Variants in SLC4A10 observed in about 807,000 individuals in gnomAD.
SLC4A10 encodes sodium-driven chloride bicarbonate exchanger.
A neutral mutation model predicts 137.7 loss-of-function variants in SLC4A10; 42 were observed. The ratio of observed to expected loss-of-function variants is 0.30; its 90% CI spans 0.24 to 0.39. The LOEUF (loss-of-function observed/expected upper bound fraction) is 0.39, where lower values mean the gene tolerates loss of function less well. Among genes scored for constraint, SLC4A10 ranks in the 10% least tolerant of loss-of-function variants. The pLI, the probability that SLC4A10 is intolerant of heterozygous loss-of-function variation, is 1.00. For synonymous variants in SLC4A10, 474 were observed against 464.1 expected (o/e 1.02, Z -0.27); for missense variants, 925 against 1,355.0 (o/e 0.68, Z 4.98).
chr2:161,628,270 C>T (rs1023965474), intron 1 of SLC4A10, among the ~76,000 whole-genome samples: 4 of 152,038 alleles, frequency 2.6e-5, no homozygotes, highest in African/African-American at 9.7e-5. Context: ...GGGTGATCTA[C>T]AGTGAGTCTA....
rs553652549 is a variant in SLC4A10 at position 161,860,816 on chromosome 2, A to G, written c.578-2058A>G. Among the ~76,000 whole-genome samples, 296 of 152,340 alleles carry G rather than the reference A, an allele frequency of 1.9e-3. 1 individual carries two copies. Among genetic ancestry groups the G allele is most frequent in the African/African-American group, 6.5e-3 (271 of 41,572 alleles). On this transcript the variant is annotated intron_variant, in intron 5 of 26. Coordinates refer to ENST00000446997, the MANE Select transcript of SLC4A10 (RefSeq NM_001178015.2). ...TCTTTCCATTGTAAACACAAAAATG[A>G]TAGAGCACACTATATCCCACGTGCC...
intron 1 of SLC4A10, among the ~76,000 whole-genome samples, chr2:161,657,851 G>C (rs139847993): frequency 6.4e-4 from 97 of 152,130 alleles, no homozygotes; most frequent in Non-Finnish European, 1.0e-3. Flanking sequence ...ATGATGAGAA[G>C]TTCTAACTTA....
At chr2:161,807,759 G>A (rs780714743) in intron 3 of SLC4A10, among the ~76,000 whole-genome samples, 5 of 151,970 alleles carry the variant, frequency 3.3e-5, no homozygotes, top group South Asian at 2.1e-4. Context: ...ATTTTTAATA[G>A]GAAGCAGCAT....
At chr2:161,793,232 C>T (rs1455280512) in intron 2 of SLC4A10, among the ~76,000 whole-genome samples, 1 of 152,040 alleles carries the variant, frequency 6.6e-6, no homozygotes, top group Non-Finnish European at 1.5e-5. Flanking sequence ...TATCTATGCA[C>T]TGTAGAATAA....
At chr2:161,657,438 T>C (rs2037700123) in intron 1 of SLC4A10, among the ~76,000 whole-genome samples, 1 of 152,060 alleles carries the variant, frequency 6.6e-6, no homozygotes, top group Non-Finnish European at 1.5e-5. Context: ...ATTTCTAGAT[T>C]TAAGCTATTA....
chr2:161,843,470 G>T (rs966233852), intron 4 of SLC4A10, among the ~76,000 whole-genome samples: 1 of 152,168 alleles, frequency 6.6e-6, no homozygotes, highest in Non-Finnish European at 1.5e-5. Flanking sequence ...TGCTATAGCT[G>T]TTTGAGCTTC....
At chr2:161,795,487 A>G (rs2054665926) in intron 2 of SLC4A10, among the ~76,000 whole-genome samples, 2 of 152,252 alleles carry the variant, frequency 1.3e-5, no homozygotes, top group Admixed American at 1.3e-4. Flanking sequence ...CTAGCATCAA[A>G]GCCACAGATA....
At chr2:161,757,913 T>G (rs887503494) in intron 1 of SLC4A10, among the ~76,000 whole-genome samples, 5 of 152,036 alleles carry the variant, frequency 3.3e-5, no homozygotes, top group Admixed American at 6.6e-5. Context: ...GAATAAATAA[T>G]TTTTGGTCTT....
At chr2:161,675,241 A>G (rs943792489) in intron 1 of SLC4A10, among the ~76,000 whole-genome samples, 3 of 152,116 alleles carry the variant, frequency 2.0e-5, no homozygotes, top group Non-Finnish European at 4.4e-5. Flanking sequence ...TTGAAACCTC[A>G]TGAGTTTCCT....
At chr2:161,625,103 GTGTGTGTGTT>G (rs1172181515) in intron 1 of SLC4A10, among the ~76,000 whole-genome samples, 1 of 91,628 alleles carries the variant, frequency 1.1e-5, no homozygotes, top group East Asian at 3.0e-4. Flanking sequence ...GTGTGTGTGT[GTGTGTGTGTT>G]CTGTCTCTTT....
intron 2 of SLC4A10, among the ~76,000 whole-genome samples, chr2:161,786,786 C>A (rs1460380186): frequency 1.3e-5 from 2 of 150,212 alleles, no homozygotes; most frequent in Non-Finnish European, 3.0e-5. Context: ...GTCCTATATT[C>A]TTTTATGACA....
At chr2:161,689,628 C>T (rs2041788002) in intron 1 of SLC4A10, among the ~76,000 whole-genome samples, 1 of 152,134 alleles carries the variant, frequency 6.6e-6, no homozygotes, top group Admixed American at 6.6e-5. Context: ...TTAAGTGAGG[C>T]TGTACTTCAT....
intron 2 of SLC4A10, among the ~76,000 whole-genome samples, chr2:161,794,505 C>T (rs908825021): frequency 6.6e-6 from 1 of 152,002 alleles, no homozygotes; most frequent in Non-Finnish European, 1.5e-5. Flanking sequence ...ACCCAAGTGC[C>T]CCAGATATGG....
Position 161,755,756 on chromosome 2 carries a change from T to A in SLC4A10, c.49-15217T>A, listed in dbSNP as rs1160059551. Among the ~76,000 whole-genome samples the A allele has an allele frequency of 1.3e-4, 20 of 152,156 alleles. No individual in the cohort carries two copies. The East Asian group carries it at 3.9e-3, about 29-fold the overall frequency. ...CTATTTTCTTTACTGTCTGTTGTCT[T>A]AACTCGTTCCTTAAATTTTTTTTTT... On this transcript the variant is annotated intron_variant, in intron 1 of 26. Transcript: ENST00000446997.
intron 1 of SLC4A10, among the ~76,000 whole-genome samples, chr2:161,700,084 C>T (rs1478018556): frequency 3.3e-5 from 5 of 152,010 alleles, no homozygotes; most frequent in Admixed American, 1.3e-4. Context: ...AAACTTGAGG[C>T]CTTAAAACAT....
At chr2:161,637,202 A>G (rs1482516571) in intron 1 of SLC4A10, among the ~76,000 whole-genome samples, 2 of 147,226 alleles carry the variant, frequency 1.4e-5, no homozygotes, top group Admixed American at 1.4e-4. Context: ...GAGAGAGAGA[A>G]AGAGAGAGAG....
chr2:161,882,968 AT>A (rs1285996449), intron 10 of SLC4A10, among the ~76,000 whole-genome samples: 5 of 152,074 alleles, frequency 3.3e-5, no homozygotes, highest in African/African-American at 9.7e-5. Context: ...GAGCATGTAA[AT>A]TTTTCTATGT....
intron 1 of SLC4A10, among the ~76,000 whole-genome samples, chr2:161,743,321 C>T (rs560705090): frequency 2.6e-5 from 4 of 152,196 alleles, no homozygotes; most frequent in African/African-American, 9.6e-5. Flanking sequence ...GGGTCTAGTT[C>T]TATTCTTCTA....
At chr2:161,915,868 A>G (rs1188308566) in intron 15 of SLC4A10, among the ~76,000 whole-genome samples, 3 of 152,220 alleles carry the variant, frequency 2.0e-5, no homozygotes, top group Admixed American at 1.3e-4. Flanking sequence ...TGGTGTCAGT[A>G]TAAGAGGAGA....
Sources: allele counts gnomAD v4.1 joint callset (sites outside exome capture counted in the v4.1 genomes callset), GRCh38; gene constraint gnomAD v4.1.1; transcripts MANE v1.5; gene names NCBI Gene and HGNC (gene_info 2026-07-23, HGNC 2026-07-21).